XRCC1: variants seen among roughly 807,000 people sequenced by gnomAD.
XRCC1 encodes the protein DNA repair protein XRCC1.
Under a neutral mutation model 83.3 loss-of-function variants are expected in XRCC1, and 52 were observed. The observed-to-expected ratio is 0.62, with a 90% CI of 0.50 to 0.79. The LOEUF is 0.79. Among genes scored for constraint, XRCC1 ranks in the 30% least tolerant of loss-of-function variants. The pLI is 0.00. For synonymous variants in XRCC1, 281 were observed against 312.6 expected (o/e 0.90, Z 1.07); for missense variants, 793 against 823.5 (o/e 0.96, Z 0.45).
At chr19:43,549,213 GT>G (rs1433049657) in intron 10 of XRCC1, among the ~76,000 whole-genome samples, 1 of 151,976 alleles carries the variant, frequency 6.6e-6, no homozygotes, top group Non-Finnish European at 1.5e-5. Flanking sequence ...TGCTTATTAG[GT>G]ATGGAGAGTC....
rs766418350 is a variant in XRCC1, at chr19:43,553,466, T to A, written c.536A>T (p.Asp179Val). 1.1e-5 allele frequency: 18 copies of A among 1,614,114 alleles called. No individual in the cohort carries two copies. Among genetic ancestry groups the A allele is most frequent in the East Asian group, 2.2e-5 (1 of 44,866 alleles). Reference protein sequence around the residue: ...KLGQFRVKEEDESANSLRPGA... With the variant: ...KLGQFRVKEEVESANSLRPGA... ...CGGCCTCAGAGAGTTGGCGCTCTCA[T>A]CCTCCTCCTTCACACGGAACTGGCC... Residue 179 changes from aspartate (D) to valine (V), a missense_variant, in exon 6 of 17, where the codon GAT becomes GTT. Transcript: ENST00000262887.
In XRCC1 at chr19:43,574,624, C is replaced by T. The variant is rs550172525; in HGVS notation, c.144+286G>A. ...CCCACTGGCTGCAGGAGGCAGAGTA[C>T]GTGGCAATGATTCATTTTGTTCCAG... On this transcript the variant is annotated intron_variant, in intron 2 of 16. Transcript: ENST00000262887. 1.0e-3 allele frequency: 399 copies of T among 391,666 alleles called. 4 individuals are homozygous for T. Among genetic ancestry groups the T allele is most frequent in the Non-Finnish European group, 6.3e-4 (131 of 206,774 alleles). 24.3% of individuals were successfully genotyped at this position (391,666 alleles called of 1,614,324 possible).
At chr19:43,567,139 T>A (rs1972761355) in intron 2 of XRCC1, among the ~76,000 whole-genome samples, 1 of 152,112 alleles carries the variant, frequency 6.6e-6, no homozygotes, top group African/African-American at 2.4e-5. Flanking sequence ...AGTAGATCAG[T>A]GGTTGCCAAG....
At position 43,575,455 on chromosome 19, in the gene XRCC1, G is replaced by A. The variant is rs745834258; in HGVS notation, c.4C>T (p.Pro2Ser). 1.2e-6 allele frequency: 2 copies of A among 1,612,156 alleles called. No individual in the cohort carries two copies. Among genetic ancestry groups the A allele is most frequent in the South Asian group, 1.1e-5 (1 of 90,890 alleles). ...ACGACATGGCGGAGGCGGATCTCCG[G>A]CATGTCAACGTCGTGGGCTTCGCCT... Reference protein sequence around the residue: MPEIRLRHVVSC... With the variant: MSEIRLRHVVSC... Residue 2 changes from proline (P) to serine (S), a missense_variant, in exon 1 of 17, where the codon CCG becomes TCG. Coordinates refer to ENST00000262887, the MANE Select transcript of XRCC1 (RefSeq NM_006297.3).
At chr19:43,547,018 A>T in intron 10 of XRCC1, 41 bp from the exon 11 acceptor site, 1 of 1,598,012 alleles carries the variant, frequency 6.3e-7, no homozygotes, top group South Asian at 1.1e-5. Flanking sequence ...GGCCCAAGGG[A>T]AGTGGGGAGG....
intron 9 of XRCC1, 23 bp downstream of exon 9, chr19:43,551,994 C>T (rs778018909): frequency 3.1e-6 from 5 of 1,611,428 alleles, no homozygotes; most frequent in Non-Finnish European, 4.2e-6. Flanking sequence ...TGCAGCGGCG[C>T]AGGGAGGGGG....
intron 3 of XRCC1, among the ~76,000 whole-genome samples, chr19:43,556,621 T>C (rs914842514): frequency 6.6e-6 from 1 of 152,016 alleles, no homozygotes; most frequent in African/African-American, 2.4e-5. Context: ...CTGGCCAACA[T>C]GGTAAAACCC....
rs2307179 is a variant in XRCC1, at chr19:43,546,956, A to T, written c.1221T>A (p.Gly407=). 22 of 1,613,850 alleles carry T rather than the reference A, an allele frequency of 1.4e-5. No individual in the cohort carries two copies. In the Admixed American group the frequency reaches 3.3e-4, roughly 24 times the overall value. Residue 407 remains glycine, a synonymous_variant, in exon 11 of 17, where the codon GGT becomes GGA. Coordinates refer to ENST00000262887, the MANE Select transcript of XRCC1 (RefSeq NM_006297.3). ...PSQRYLMAGP[G]SSSEEDEASH... ...AGGCCTCATCCTCCTCACTGCTGGA[A>T]CCTGGCCCTGCCATGAGGTACCTAG...
chr19:43,551,776 GAGAC>G (rs981995782), intron 9 of XRCC1, 89 bp from the exon 10 acceptor site: 157 of 1,114,358 alleles, frequency 1.4e-4, no homozygotes, highest in Middle Eastern at 2.3e-4. Flanking sequence ...GAGAGAGAGA[GAGAC>G]AGACAGACAG....
At position 43,551,586 on chromosome 19, in the gene XRCC1, C is replaced by A. The variant is rs763865398; in HGVS notation, c.1184G>T (p.Arg395Leu). Reference protein sequence around the residue: ...WVLDCHRMRRRLPSQRYLMAG... With the variant: ...WVLDCHRMRRLLPSQRYLMAG... ...GAGGCCTTACCTCTGGGAGGGCAGCCGCCGACGCATGCGGTGACAGTCCAG... is the reference window on the plus strand; with the variant it reads ...GAGGCCTTACCTCTGGGAGGGCAGCAGCCGACGCATGCGGTGACAGTCCAG... Residue 395 changes from arginine to leucine, a missense_variant, in exon 10 of 17, where the codon CGG becomes CTG. Arg to Leu is a moderately radical substitution (Grantham distance 102). Coordinates refer to ENST00000262887, the MANE Select transcript of XRCC1 (RefSeq NM_006297.3). 6.2e-7 allele frequency: 1 copy of A among 1,614,090 alleles called. No individual in the cohort carries two copies. The highest frequency in any genetic ancestry group is 1.7e-5 in the Admixed American group (1 of 60,020).
chr19:43,550,008 A>T (rs754146115), intron 10 of XRCC1, among the ~76,000 whole-genome samples: 1 of 151,900 alleles, frequency 6.6e-6, no homozygotes, highest in Non-Finnish European at 1.5e-5. Context: ...GCCCCAGCCT[A>T]CTCAGGAGTC....
At chr19:43,548,956 G>A (rs3213383) in intron 10 of XRCC1, among the ~76,000 whole-genome samples, 1 of 152,140 alleles carries the variant, frequency 6.6e-6, no homozygotes, top group African/African-American at 2.4e-5. Context: ...CACAGGGAAG[G>A]TATGCAGACA....
intron 2 of XRCC1, 88 bp from the exon 3 acceptor site, chr19:43,561,108 C>A: frequency 9.5e-7 from 1 of 1,049,198 alleles, no homozygotes; most frequent in South Asian, 1.3e-5. Context: ...TTTGGATCAC[C>A]ATGTCCCTGT....
chr19:43,553,463 T>A lies in XRCC1; in HGVS notation c.539A>T (p.Glu180Val), dbSNP rs2146052513. The change falls in exon 6 of 17, where the codon GAG becomes GTG. Residue 180 changes from glutamate (E) to valine (V), a missense_variant. By Grantham distance (121) the Glu-to-Val change is moderately radical. Transcript: ENST00000262887. Reference sequence around the variant, plus strand: ...CCCCGGCCTCAGAGAGTTGGCGCTCTCATCCTCCTCCTTCACACGGAACTG... The same window carrying A: ...CCCCGGCCTCAGAGAGTTGGCGCTCACATCCTCCTCCTTCACACGGAACTG... ...LGQFRVKEED[E>V]SANSLRPGAL... 2.5e-6 allele frequency: 4 copies of A among 1,614,178 alleles called. No individual in the cohort carries two copies. Among genetic ancestry groups the A allele is most frequent in the Non-Finnish European group, 3.4e-6 (4 of 1,180,032 alleles).
intron 10 of XRCC1, among the ~76,000 whole-genome samples, chr19:43,551,244 A>G (rs925127664): frequency 6.6e-6 from 1 of 152,248 alleles, no homozygotes; most frequent in Non-Finnish European, 1.5e-5. Context: ...CTGGGATTAC[A>G]GGCGTGAGCC....
At chr19:43,573,824 A>T (rs2146075366) in intron 2 of XRCC1, among the ~76,000 whole-genome samples, 1 of 152,248 alleles carries the variant, frequency 6.6e-6, no homozygotes, top group East Asian at 1.9e-4. Context: ...GCAGTGAGCC[A>T]AGCCAAGATC....
chr19:43,551,093 G>A (rs3213370), intron 10 of XRCC1, among the ~76,000 whole-genome samples: 21,743 of 152,064 alleles, frequency 0.14, 1,716 homozygotes, highest in Non-Finnish European at 0.19. Context: ...TCAGCCTTCC[G>A]AGTAACTGGG....
chr19:43,551,295 T>C (rs907197860), intron 10 of XRCC1, among the ~76,000 whole-genome samples: 2 of 152,212 alleles, frequency 1.3e-5, no homozygotes, highest in African/African-American at 4.8e-5. Flanking sequence ...ATATGGACCC[T>C]AACACTTGTT....
At chr19:43,569,487 A>G (rs1370460215) in intron 2 of XRCC1, among the ~76,000 whole-genome samples, 1 of 151,666 alleles carries the variant, frequency 6.6e-6, no homozygotes, top group Non-Finnish European at 1.5e-5. Flanking sequence ...AAAAAAAAAA[A>G]AAAAGACAAT....
Sources: allele counts gnomAD v4.1 joint callset (sites outside exome capture counted in the v4.1 genomes callset), GRCh38; gene constraint gnomAD v4.1.1; transcripts MANE v1.5; gene names NCBI Gene and HGNC (gene_info 2026-07-23, HGNC 2026-07-21).